Variants in ONECUT2 observed in about 807,000 individuals in gnomAD.
ONECUT2 encodes the protein one cut domain family member 2.
ONECUT2 carries 10 observed loss-of-function variants against 27.9 expected under a neutral mutation model. The ratio of observed to expected loss-of-function variants is 0.36; its 90% confidence interval spans 0.22 to 0.61. The LOEUF (loss-of-function observed/expected upper bound fraction) is 0.61. Among genes scored for constraint, ONECUT2 ranks in the 20% least tolerant of loss-of-function variants. The pLI is 0.73. For synonymous variants in ONECUT2, 334 were observed against 315.1 expected (o/e 1.06, Z -0.64); for missense variants, 686 against 721.0 (o/e 0.95, Z 0.56).
At position 57,481,151 on chromosome 18, in the gene ONECUT2, CA is replaced by C. The variant is rs1199453359; in HGVS notation, c.*4430del. 2.1e-4 allele frequency: 31 copies of C among 151,026 alleles called. No homozygotes were observed. Among genetic ancestry groups the C allele is most frequent in the African/African-American group, 7.0e-4 (29 of 41,470 alleles). The allele number at this position is 151,026 out of a possible 1,614,324, so 9.4% of individuals were successfully genotyped here. ...AATAATAAAAAAAAACAGACAGAGC[CA>C]ATACATTTCTTTTTTTAAAGGAAAC... On this transcript the variant is annotated 3_prime_UTR_variant, in exon 2 of 2. Coordinates refer to ENST00000491143, the MANE Select transcript of ONECUT2 (RefSeq NM_004852.3).
At chr18:57,441,329 G>A (rs1364032343) in intron 1 of ONECUT2, among the ~76,000 whole-genome samples, 1 of 152,228 alleles carries the variant, frequency 6.6e-6, no homozygotes, top group Non-Finnish European at 1.5e-5. Flanking sequence ...GCCCGACGGC[G>A]CGCTCTTCCC....
chr18:57,485,952 CT>C lies in ONECUT2; in HGVS notation c.*9230del, dbSNP rs2050435496. 1.3e-5 allele frequency: 2 copies of C among 152,380 alleles called. No homozygotes were observed. The highest frequency in any genetic ancestry group is 4.1e-4 in the South Asian group (2 of 4,830). 9.4% of individuals were successfully genotyped at this position (152,380 alleles called of 1,614,324 possible). A position where few individuals can be genotyped will look rare whatever the true frequency, so the allele number is the denominator to read the frequency against. ...TTGCTTTGGTTTTCTTCCTAAATTC[CT>C]ATTGGAATTAGAACTCTCAGAATCC... On this transcript the variant is annotated 3_prime_UTR_variant, in exon 2 of 2. Coordinates refer to ENST00000491143, the MANE Select transcript of ONECUT2 (RefSeq NM_004852.3).
rs1053323592 is a variant in ONECUT2, at chr18:57,483,417, A to G, written c.*6694A>G. 4 of 152,616 alleles carry G rather than the reference A, an allele frequency of 2.6e-5. No homozygotes were observed. Among genetic ancestry groups the G allele is most frequent in the Non-Finnish European group, 5.9e-5 (4 of 68,038 alleles). The allele number at this position is 152,616 out of a possible 1,614,324, so 9.5% of individuals were successfully genotyped here. Reference sequence around the variant, plus strand: ...ATGAAGACACCCTCTGCCCCACCCCACAGAATGCTTTTTATCTTGTCTCTT... The same window carrying G: ...ATGAAGACACCCTCTGCCCCACCCCGCAGAATGCTTTTTATCTTGTCTCTT... On this transcript the variant is annotated 3_prime_UTR_variant, in exon 2 of 2. Coordinates refer to ENST00000491143, the MANE Select transcript of ONECUT2 (RefSeq NM_004852.3).
At chr18:57,450,079 C>A (rs1489272876) in intron 1 of ONECUT2, among the ~76,000 whole-genome samples, 1 of 152,208 alleles carries the variant, frequency 6.6e-6, no homozygotes, top group Non-Finnish European at 1.5e-5. Flanking sequence ...TCTATCTTTA[C>A]AGAAGCCCCT....
intron 1 of ONECUT2, among the ~76,000 whole-genome samples, chr18:57,463,990 CAA>C (rs78117626): frequency 1.7e-4 from 20 of 116,530 alleles, no homozygotes; most frequent in Admixed American, 1.7e-4. Flanking sequence ...GTTACAAAAC[CAA>C]AAAAAAAAAA....
intron 1 of ONECUT2, among the ~76,000 whole-genome samples, chr18:57,474,391 A>G (rs1212908638): frequency 6.6e-6 from 1 of 152,216 alleles, no homozygotes; most frequent in Non-Finnish European, 1.5e-5. Context: ...AGTAACAACC[A>G]CAACAACAAA....
intron 1 of ONECUT2, among the ~76,000 whole-genome samples, chr18:57,459,875 T>C (rs1403283364): frequency 6.6e-6 from 1 of 151,200 alleles, no homozygotes; most frequent in Non-Finnish European, 1.5e-5. Flanking sequence ...AATATTTTTG[T>C]TGCTCTTCCT....
At chr18:57,437,021 C>T (rs992531245) in intron 1 of ONECUT2, 77 bp downstream of exon 1, 3 of 1,484,934 alleles carry the variant, frequency 2.0e-6, no homozygotes, top group South Asian at 1.4e-5. Context: ...CAAGTCTGCG[C>T]GCCGAGTCAC....
intron 1 of ONECUT2, among the ~76,000 whole-genome samples, chr18:57,452,049 A>G (rs989120975): frequency 2.6e-5 from 4 of 152,188 alleles, no homozygotes; most frequent in African/African-American, 9.7e-5. Flanking sequence ...TGCCACTGCT[A>G]TGGTGATACA....
At position 57,436,047 on chromosome 18, in the gene ONECUT2, G is replaced by A; in HGVS notation, c.331G>A (p.Ala111Thr). The A allele has an allele frequency of 1.3e-6, 2 of 1,587,612 alleles. No homozygotes were observed. The highest frequency in any genetic ancestry group is 1.7e-6 in the Non-Finnish European group (2 of 1,172,764). The part of the protein sequence containing the change: ...ASRSAMVTSM[A>T]SILDGGDYRP... Reference sequence around the variant, plus strand: ...GCGCTCGGCCATGGTCACCAGCATGGCCTCGATCCTGGACGGCGGCGACTA... The same window carrying A: ...GCGCTCGGCCATGGTCACCAGCATGACCTCGATCCTGGACGGCGGCGACTA... The change falls in exon 1 of 2, where the codon GCC (alanine) becomes ACC (threonine). Residue 111 changes from alanine (A) to threonine (T), a missense_variant. Transcript: ENST00000491143. This position sits in a 1 kb window ranked among gnomAD's most constrained non-coding sequence, Gnocchi z 5.9.
rs1004272066 is a variant in ONECUT2, at chr18:57,484,201, GAAAAAAGAAAAA to G, written c.*7484_*7495del. 3 of 150,554 alleles carry G rather than the reference GAAAAAAGAAAAA, an allele frequency of 2.0e-5. No homozygotes were observed. Among genetic ancestry groups the G allele is most frequent in the African/African-American group, 7.3e-5 (3 of 40,852 alleles). The allele number at this position is 150,554 out of a possible 1,614,324, so 9.3% of individuals were successfully genotyped here. ...CAAAAAAGGAAAAAAACAAAAAGCA[GAAAAAAGAAAAA>G]AAAAATGAAAAACTTTCTATTTCTA... On this transcript the variant is annotated 3_prime_UTR_variant, in exon 2 of 2. Coordinates refer to ENST00000491143, the MANE Select transcript of ONECUT2 (RefSeq NM_004852.3).
intron 1 of ONECUT2, among the ~76,000 whole-genome samples, chr18:57,438,803 T>G (rs189628319): frequency 6.6e-6 from 1 of 151,930 alleles, no homozygotes; most frequent in African/African-American, 2.4e-5. Context: ...TTTCTCTGAT[T>G]TGCTGTTGGT....
Position 57,489,773 on chromosome 18 carries a change from G to T in ONECUT2, c.*13050G>T, listed in dbSNP as rs773333871. 4.6e-5 allele frequency: 7 copies of T among 152,044 alleles called. No homozygotes were observed. The highest frequency in any genetic ancestry group is 8.8e-5 in the Non-Finnish European group (6 of 68,014). The allele number at this position is 152,044 out of a possible 1,614,324, so 9.4% of individuals were successfully genotyped here. A position where few individuals can be genotyped will look rare whatever the true frequency, so the allele number is the denominator to read the frequency against. ...GTTTTGTGTTACACAAGTCCAAGTG[G>T]TGCCAGCAAACTTCTTACCGTGAAA... is the stretch of plus-strand genomic sequence containing the variant. On this transcript the variant is annotated 3_prime_UTR_variant, in exon 2 of 2. Transcript: ENST00000491143.
chr18:57,449,985 C>A (rs1207107015), intron 1 of ONECUT2, among the ~76,000 whole-genome samples: 2 of 152,146 alleles, frequency 1.3e-5, no homozygotes, highest in Admixed American at 1.3e-4. Flanking sequence ...GATAGCATAT[C>A]TTTGAGCTCC....
intron 1 of ONECUT2, among the ~76,000 whole-genome samples, chr18:57,444,785 AC>A (rs534772822): frequency 4.9e-4 from 75 of 152,104 alleles, no homozygotes; most frequent in African/African-American, 1.8e-3. Flanking sequence ...CAATAGATTT[AC>A]CCTTCGTGCT....
Position 57,436,699 on chromosome 18 carries a change from G to A in ONECUT2, c.983G>A (p.Gly328Asp). 1 of 1,613,590 alleles carries A rather than the reference G, an allele frequency of 6.2e-7. No homozygotes were observed. The highest frequency in any genetic ancestry group is 8.5e-7 in the Non-Finnish European group (1 of 1,180,006). Reference protein sequence around the residue: ...SSSGSQVATSGQLEEINTKEV... With the variant: ...SSSGSQVATSDQLEEINTKEV... ...TCGGGCTCGCAGGTGGCCACGTCGG[G>A]CCAGCTGGAAGAAATCAACACCAAA... Residue 328 changes from glycine (G) to aspartate (D), a missense_variant, in exon 1 of 2, where the codon GGC becomes GAC. Gly to Asp is a moderately conservative substitution (Grantham distance 94, BLOSUM62 -1). This residue lies in a region of ONECUT2 where 511 missense variants were observed against 488.1 expected (regional missense o/e 1.05). Coordinates refer to ENST00000491143, the MANE Select transcript of ONECUT2 (RefSeq NM_004852.3). The surrounding 1 kb of genome is among the most constrained non-coding windows in gnomAD (Gnocchi z 5.9).
At chr18:57,447,563 G>C (rs183812924) in intron 1 of ONECUT2, among the ~76,000 whole-genome samples, 4 of 152,160 alleles carry the variant, frequency 2.6e-5, no homozygotes, top group African/African-American at 9.7e-5. Flanking sequence ...CACCGCTGGG[G>C]GGCGGGGGAT....
At chr18:57,451,179 A>G (rs942285066) in intron 1 of ONECUT2, among the ~76,000 whole-genome samples, 1 of 152,264 alleles carries the variant, frequency 6.6e-6, no homozygotes, top group Non-Finnish European at 1.5e-5. Flanking sequence ...TTTGACGTTC[A>G]TATTACATGA....
intron 1 of ONECUT2, among the ~76,000 whole-genome samples, chr18:57,456,351 G>A: frequency 6.6e-6 from 1 of 152,162 alleles, no homozygotes; most frequent in African/African-American, 2.4e-5. Context: ...TTCATCAAGA[G>A]GTGAATGGAT....
Sources: allele counts gnomAD v4.1 joint callset (sites outside exome capture counted in the v4.1 genomes callset), GRCh38; gene constraint gnomAD v4.1.1; regional missense constraint gnomAD v4.1.1; non-coding constraint Gnocchi (gnomAD v3.1); transcripts MANE v1.5; gene names NCBI Gene and HGNC (gene_info 2026-07-23, HGNC 2026-07-21).